The following ARHGEF3 variants were observed in gnomAD, a reference collection of about 807,000 sequenced individuals.
ARHGEF3 encodes 59.8 kDA protein.
A neutral mutation model predicts 63.2 loss-of-function variants in ARHGEF3; 28 were observed. The observed-to-expected ratio is 0.44, with a 90% CI of 0.33 to 0.61. The LOEUF (loss-of-function observed/expected upper bound fraction) is 0.61. Ranked by LOEUF, ARHGEF3 falls within the 20% of genes least tolerant of loss-of-function variation. The probability of loss-of-function intolerance (pLI) is 0.03; values close to 1 mark genes in which losing one functional copy is unlikely to be tolerated. For synonymous variants in ARHGEF3, 266 were observed against 254.2 expected, an observed-to-expected ratio of 1.05 and a Z score of -0.44; for missense variants, 533 against 659.3, an observed-to-expected ratio of 0.81 and a Z score of 2.10.
intron 6 of ARHGEF3, among the ~76,000 whole-genome samples, chr3:56,745,841 T>G (rs1307439726): frequency 2.0e-5 from 3 of 152,136 alleles, no homozygotes; most frequent in Non-Finnish European, 4.4e-5. Flanking sequence ...CCGGATAATT[T>G]TTTGTATTTT....
rs147675971 is a variant in ARHGEF3 at position 57,069,376 on chromosome 3, A to AACACACACACAC, written c.-28+9838_-28+9849dup. Among the ~76,000 whole-genome samples, 489 of 146,458 alleles carry AACACACACACAC rather than the reference A, an allele frequency of 3.3e-3. 3 individuals carry two copies. The highest frequency in any genetic ancestry group is 0.011 in the African/African-American group (444 of 39,730). ...AAATAACTCTAATCTCTGTCTCTCA[A>AACACACACACAC]ACACACACACACACACACACACACA... On this transcript the variant is annotated intron_variant, in intron 1 of 12. Transcript: ENST00000338458.
intron 9 of ARHGEF3, among the ~76,000 whole-genome samples, chr3:56,731,086 A>G (rs989835483): frequency 6.6e-6 from 1 of 152,240 alleles, no homozygotes; most frequent in Non-Finnish European, 1.5e-5. Flanking sequence ...CTCAAGAAAC[A>G]TAAGCTCTTA....
intron 1 of ARHGEF3, among the ~76,000 whole-genome samples, chr3:57,075,800 A>G (rs1293735594): frequency 2.0e-5 from 3 of 152,204 alleles, no homozygotes; most frequent in African/African-American, 7.2e-5. Context: ...AGAAAGCAAG[A>G]CCCTATCTCT....
chr3:57,062,278 C>G (rs1245676517), intron 1 of ARHGEF3, among the ~76,000 whole-genome samples: 1 of 152,220 alleles, frequency 6.6e-6, no homozygotes, highest in Non-Finnish European at 1.5e-5. Flanking sequence ...CTTCAAGCAC[C>G]TTCTCTGCCA....
chr3:56,987,425 T>C (rs1701586067), intron 2 of ARHGEF3, among the ~76,000 whole-genome samples: 1 of 152,242 alleles, frequency 6.6e-6, no homozygotes, highest in African/African-American at 2.4e-5. Context: ...CTCTGGGCAA[T>C]GCAACGGCTG....
At position 56,864,670 on chromosome 3, in the gene ARHGEF3, G is replaced by A. The variant is rs185894952; in HGVS notation, c.192+17622C>T. 3.3e-4 allele frequency among the ~76,000 whole-genome samples: 50 copies of A among 152,266 alleles called. 1 individual carries two copies. Among genetic ancestry groups the A allele is most frequent in the Admixed American group, 1.9e-3 (29 of 15,304 alleles). On this transcript the variant is annotated intron_variant, in intron 4 of 12. Transcript: ENST00000338458. ...TGACTATAGGAGATGCTCAGTCAAT[G>A]TGAATATCAATGAAAGAATGAGGAA...
chr3:57,032,244 C>T (rs968185766), intron 2 of ARHGEF3, among the ~76,000 whole-genome samples: 5 of 152,264 alleles, frequency 3.3e-5, no homozygotes, highest in South Asian at 2.1e-4. Flanking sequence ...CCATCCCTAA[C>T]GGTACCCAAG....
At chr3:56,895,173 C>T (rs1054896332) in intron 3 of ARHGEF3, among the ~76,000 whole-genome samples, 7 of 147,092 alleles carry the variant, frequency 4.8e-5, no homozygotes, top group Admixed American at 6.7e-5. Flanking sequence ...TCCCTCTAAT[C>T]GCAGCTGACT....
chr3:56,793,562 C>G (rs1191091164), intron 1 of ARHGEF3, among the ~76,000 whole-genome samples: 1 of 152,174 alleles, frequency 6.6e-6, no homozygotes. Context: ...CTCGGCTTCC[C>G]AAAGTGCTGG....
intron 2 of ARHGEF3, among the ~76,000 whole-genome samples, chr3:56,991,526 T>G (rs181136728): frequency 3.9e-5 from 6 of 152,330 alleles, no homozygotes; most frequent in Admixed American, 1.3e-4. Context: ...TGTTAAAGAT[T>G]GATAAATTTG....
chr3:56,936,383 G>A (rs1465269961), intron 3 of ARHGEF3, among the ~76,000 whole-genome samples: 1 of 152,150 alleles, frequency 6.6e-6, no homozygotes, highest in East Asian at 1.9e-4. Flanking sequence ...TTGAGGTAAT[G>A]GAGCAAGTGC....
At chr3:56,976,751 C>T (rs1364890008) in intron 2 of ARHGEF3, among the ~76,000 whole-genome samples, 1 of 152,140 alleles carries the variant, frequency 6.6e-6, no homozygotes, top group African/African-American at 2.4e-5. Context: ...ACTGGGGCCA[C>T]ACATAAAAAC....
At chr3:56,860,807 TA>T (rs1413889676) in intron 4 of ARHGEF3, among the ~76,000 whole-genome samples, 7 of 152,190 alleles carry the variant, frequency 4.6e-5, no homozygotes, top group African/African-American at 1.4e-4. Context: ...AAGATCTGCC[TA>T]ATGGTTGGTG....
chr3:56,861,050 G>A (rs1439935817), intron 4 of ARHGEF3, among the ~76,000 whole-genome samples: 1 of 152,218 alleles, frequency 6.6e-6, no homozygotes, highest in East Asian at 1.9e-4. Flanking sequence ...ATGGCTAGGA[G>A]AGGCCCCTGT....
At chr3:56,806,494 T>A (rs965708117), upstream of ARHGEF3, among the ~76,000 whole-genome samples, 10 of 152,244 alleles carry the variant, frequency 6.6e-5, no homozygotes, top group African/African-American at 1.9e-4. Flanking sequence ...GTTATAATCC[T>A]ATAAAATGCT....
chr3:56,801,261 C>T (rs1358150851), intron 1 of ARHGEF3, among the ~76,000 whole-genome samples: 1 of 152,234 alleles, frequency 6.6e-6, no homozygotes, highest in Non-Finnish European at 1.5e-5. Flanking sequence ...GTACGTCCCT[C>T]TGCTCTCACA....
At chr3:56,846,191 A>G (rs867715197) in intron 4 of ARHGEF3, among the ~76,000 whole-genome samples, 1 of 152,092 alleles carries the variant, frequency 6.6e-6, no homozygotes, top group African/African-American at 2.4e-5. Context: ...TTCCTTCTTC[A>G]CTCCAACCTA....
chr3:56,754,173 G>T (rs1235934384), intron 3 of ARHGEF3, among the ~76,000 whole-genome samples: 1 of 152,224 alleles, frequency 6.6e-6, no homozygotes, highest in African/African-American at 2.4e-5. Flanking sequence ...GGCGCTGGCT[G>T]TGTGGAAGAG....
intron 4 of ARHGEF3, among the ~76,000 whole-genome samples, chr3:56,830,431 C>A (rs1193082516): frequency 6.6e-6 from 1 of 151,788 alleles, no homozygotes; most frequent in Admixed American, 6.6e-5. Context: ...ACTATCCCAG[C>A]CTAAACTGTC....
Sources: gnomAD v4.1 joint callset for allele counts (sites outside exome capture counted in the v4.1 genomes callset) on GRCh38, gnomAD v4.1.1 for gene constraint, MANE v1.5 for transcripts, NCBI Gene and HGNC (gene_info 2026-07-23, HGNC 2026-07-21) for gene names.